Variants in R3HCC1L observed in about 807,000 individuals in gnomAD.
R3HCC1L encodes the protein coiled-coil domain-containing protein R3HCC1L.
Under a neutral mutation model 59.9 loss-of-function variants are expected in R3HCC1L, and 51 were observed. The ratio of observed to expected loss-of-function variants is 0.85; its 90% CI spans 0.68 to 1.07. The LOEUF is 1.07. R3HCC1L is among the 50% of genes least tolerant of loss of function. The pLI, the probability that R3HCC1L is intolerant of heterozygous loss-of-function variation, is 0.00. For synonymous variants in R3HCC1L, 322 were observed against 315.2 expected (o/e 1.02, Z -0.23); for missense variants, 965 against 933.0 (o/e 1.03, Z -0.45).
chr10:98,144,297 C>T (rs1845446321), intron 1 of R3HCC1L, among the ~76,000 whole-genome samples: 2 of 152,090 alleles, frequency 1.3e-5, no homozygotes, highest in Non-Finnish European at 2.9e-5. Context: ...CTCACTGCAA[C>T]CTCCGCCTCC....
chr10:98,194,957 C>T (rs1007961985), intron 4 of R3HCC1L, among the ~76,000 whole-genome samples: 1 of 152,094 alleles, frequency 6.6e-6, no homozygotes, highest in Non-Finnish European at 1.5e-5. Context: ...CCAGCAGTCC[C>T]ACTACTGGGT....
At chr10:98,191,399 G>A (rs1305764367) in intron 4 of R3HCC1L, among the ~76,000 whole-genome samples, 5 of 152,204 alleles carry the variant, frequency 3.3e-5, no homozygotes, top group Admixed American at 3.3e-4. Context: ...TTTCTCTGAT[G>A]ACCAGTGAAG....
chr10:98,220,021 TG>T (rs1302290678), intron 5 of R3HCC1L, among the ~76,000 whole-genome samples: 3 of 152,208 alleles, frequency 2.0e-5, no homozygotes, highest in African/African-American at 7.2e-5. Context: ...TTTAAATATT[TG>T]TCACTTTGTG....
Position 98,204,114 on chromosome 10 carries a change from A to G in R3HCC1L, c.-14-3987A>G, listed in dbSNP as rs1316498014. Among the ~76,000 whole-genome samples, 3 of 152,226 alleles carry G rather than the reference A, an allele frequency of 2.0e-5. No individual in the cohort carries two copies. In the East Asian group the frequency reaches 5.8e-4, roughly 29 times the overall value. On this transcript the variant is annotated intron_variant, in intron 4 of 9. Coordinates refer to ENST00000298999, the MANE Select transcript of R3HCC1L (RefSeq NM_001351015.2). ...GAAAAAGTTAAAACTGTGTTAAAAGAGAGAAAATAATCGGCCCAGCACGGT... is the reference window on the plus strand; with the variant it reads ...GAAAAAGTTAAAACTGTGTTAAAAGGGAGAAAATAATCGGCCCAGCACGGT...
chr10:98,190,551 A>G (rs1415451800), intron 4 of R3HCC1L, among the ~76,000 whole-genome samples: 3 of 152,214 alleles, frequency 2.0e-5, no homozygotes, highest in Admixed American at 6.5e-5. Context: ...GAATAAATAG[A>G]TCTTAAATTG....
chr10:98,205,884 T>A (rs980278326), intron 4 of R3HCC1L, among the ~76,000 whole-genome samples: 1 of 152,194 alleles, frequency 6.6e-6, no homozygotes, highest in African/African-American at 2.4e-5. Flanking sequence ...TCATCCAGCC[T>A]TTATCTAAAT....
intron 9 of R3HCC1L, among the ~76,000 whole-genome samples, chr10:98,238,850 T>C (rs1376754915): frequency 6.6e-6 from 1 of 152,232 alleles, no homozygotes; most frequent in Admixed American, 6.5e-5. Flanking sequence ...GTCAGAAAAA[T>C]CTTCCTTAGG....
intron 4 of R3HCC1L, among the ~76,000 whole-genome samples, chr10:98,197,271 G>A (rs761299124): frequency 2.0e-5 from 3 of 151,518 alleles, no homozygotes; most frequent in Non-Finnish European, 4.4e-5. Context: ...CTTCTTGTCC[G>A]TGCCAAAATT....
intron 1 of R3HCC1L, among the ~76,000 whole-genome samples, chr10:98,142,709 C>T (rs1039153328): frequency 1.3e-5 from 2 of 151,654 alleles, no homozygotes; most frequent in African/African-American, 4.8e-5. Context: ...CTGAGGCGGG[C>T]AGATAACTTG....
At chr10:98,152,335 T>A (rs1846267645) in intron 1 of R3HCC1L, among the ~76,000 whole-genome samples, 1 of 151,738 alleles carries the variant, frequency 6.6e-6, no homozygotes, top group Non-Finnish European at 1.5e-5. Flanking sequence ...TGCCTTGGCC[T>A]CCCAAAGTGC....
intron 4 of R3HCC1L, among the ~76,000 whole-genome samples, chr10:98,168,208 T>C (rs984799076): frequency 6.6e-6 from 1 of 152,206 alleles, no homozygotes; most frequent in Non-Finnish European, 1.5e-5. Flanking sequence ...ACCTTTGTAT[T>C]ACATATTATA....
intron 4 of R3HCC1L, among the ~76,000 whole-genome samples, chr10:98,172,178 C>T (rs529186420): frequency 1.3e-5 from 2 of 152,264 alleles, no homozygotes; most frequent in African/African-American, 2.4e-5. Context: ...AATAGCTTTA[C>T]ACTCCACGGG....
At chr10:98,155,674 A>G (rs541325723) in intron 1 of R3HCC1L, among the ~76,000 whole-genome samples, 1 of 151,544 alleles carries the variant, frequency 6.6e-6, no homozygotes. Context: ...TTGTCCCACC[A>G]CTCCCCACTC....
At chr10:98,155,473 C>G (rs887629537) in intron 1 of R3HCC1L, among the ~76,000 whole-genome samples, 1 of 152,028 alleles carries the variant, frequency 6.6e-6, no homozygotes, top group African/African-American at 2.4e-5. Context: ...TGTTCTGTCC[C>G]TTTCGGTTGA....
rs1440513651 is a variant in R3HCC1L, at chr10:98,208,999, T to C, written c.885T>C (p.Ser295=). ...EVESVGGIAN[S]TGFILDQKDT... is the part of the protein sequence containing the mutation. ...AGAGTGTAGGTGGTATAGCCAATAG[T>C]ACAGGTTTCATCTTAGATCAAAAAG... The change falls in exon 5 of 10, where the codon AGT becomes AGC. Residue 295 remains serine, a synonymous_variant. Transcript: ENST00000298999. 3 of 1,613,864 alleles carry C rather than the reference T, an allele frequency of 1.9e-6. No homozygotes were observed. The highest frequency in any genetic ancestry group is 3.3e-5 in the Admixed American group (2 of 60,000).
intron 1 of R3HCC1L, among the ~76,000 whole-genome samples, chr10:98,135,149 C>G (rs368361243): frequency 1.3e-5 from 2 of 152,220 alleles, no homozygotes; most frequent in Admixed American, 1.3e-4. Context: ...CCGGGAGCCC[C>G]GGGCTACGGG....
chr10:98,236,306 G>A (rs1219542823), intron 9 of R3HCC1L, 142 bp downstream of exon 9: 1 of 1,081,372 alleles, frequency 9.2e-7, no homozygotes, highest in Non-Finnish European at 1.3e-6. Context: ...AAATTTTCAT[G>A]CCTTACGTCC....
intron 4 of R3HCC1L, among the ~76,000 whole-genome samples, chr10:98,174,164 G>C (rs1402947465): frequency 1.3e-5 from 2 of 152,094 alleles, no homozygotes; most frequent in African/African-American, 4.8e-5. Context: ...AGAACTTCAG[G>C]ATTCCATTTC....
At chr10:98,176,459 GT>G (rs1351307169) in intron 4 of R3HCC1L, among the ~76,000 whole-genome samples, 1 of 152,124 alleles carries the variant, frequency 6.6e-6, no homozygotes, top group Non-Finnish European at 1.5e-5. Flanking sequence ...CACATACTCT[GT>G]TAGATTTATG....
Sources: gnomAD v4.1 joint callset for allele counts (sites outside exome capture counted in the v4.1 genomes callset) on GRCh38, gnomAD v4.1.1 for gene constraint, MANE v1.5 for transcripts, NCBI Gene and HGNC (gene_info 2026-07-23, HGNC 2026-07-21) for gene names.